The following PCGF5 variants were observed in gnomAD, a reference collection of about 807,000 sequenced individuals.
PCGF5 encodes the protein polycomb group RING finger protein 5.
In PCGF5, 9 loss-of-function variants were observed where a neutral mutation model predicts 44.3. The ratio of observed to expected loss-of-function variants is 0.20; its 90% CI spans 0.12 to 0.35. The LOEUF (loss-of-function observed/expected upper bound fraction) is 0.35. Among genes scored for constraint, PCGF5 ranks in the 10% least tolerant of loss-of-function variants. The pLI is 1.00. For missense variants in PCGF5, 146 were observed against 305.3 expected (o/e 0.48, Z 3.89); for synonymous variants, 95 against 102.5 (o/e 0.93, Z 0.44).
At chr10:91,206,228 A>G (rs1177618163) in intron 1 of PCGF5, among the ~76,000 whole-genome samples, 1 of 152,214 alleles carries the variant, frequency 6.6e-6, no homozygotes, top group Non-Finnish European at 1.5e-5. Flanking sequence ...GGAGCTGAAC[A>G]GCAGAACTCG....
chr10:91,184,158 C>T (rs996842013), intron 1 of PCGF5, among the ~76,000 whole-genome samples: 6 of 152,066 alleles, frequency 3.9e-5, no homozygotes, highest in Non-Finnish European at 8.8e-5. Context: ...AATATGTTTT[C>T]CAAATTGGTT....
intron 1 of PCGF5, among the ~76,000 whole-genome samples, chr10:91,168,755 C>A (rs549183430): frequency 6.6e-6 from 1 of 151,720 alleles, no homozygotes; most frequent in East Asian, 1.9e-4. Context: ...AGTGAAACCC[C>A]GTCTCTACTA....
At chr10:91,218,727 G>C (rs1426584870), upstream of PCGF5, among the ~76,000 whole-genome samples, 1 of 151,986 alleles carries the variant, frequency 6.6e-6, no homozygotes, top group Non-Finnish European at 1.5e-5. Context: ...CCACCTCCTA[G>C]GTTCAAGCGA....
rs898986479 is a variant in PCGF5 at position 91,281,248 on chromosome 10, A to G, written c.*2932A>G. 2.6e-5 allele frequency: 4 copies of G among 152,310 alleles called. No individual in the cohort carries two copies. Among genetic ancestry groups the G allele is most frequent in the Admixed American group, 6.5e-5 (1 of 15,278 alleles). 9.4% of individuals were successfully genotyped at this position (152,310 alleles called of 1,614,324 possible). A position where few individuals can be genotyped will look rare whatever the true frequency, so the allele number is the denominator to read the frequency against. ...GTAACTTGGGTAATGCCTTTTAACT[A>G]CTCTTAGAGGAGTATATTATTTCTT... On this transcript the variant is annotated 3_prime_UTR_variant, in exon 10 of 10. Coordinates refer to ENST00000336126, the MANE Select transcript of PCGF5 (RefSeq NM_032373.5).
upstream of PCGF5, among the ~76,000 whole-genome samples, chr10:91,160,560 G>C (rs1046126617): frequency 6.6e-6 from 1 of 152,098 alleles, no homozygotes; most frequent in Non-Finnish European, 1.5e-5. Context: ...ATAGGCAACT[G>C]GTCATCTCCT....
Position 91,222,763 on chromosome 10 carries a change from C to A in PCGF5, c.-109C>A. 1 of 614,492 alleles carries A rather than the reference C, an allele frequency of 1.6e-6. No homozygotes were observed. The highest frequency in any genetic ancestry group is 2.2e-5 in the South Asian group (1 of 45,486). 38.1% of individuals were successfully genotyped at this position (614,492 alleles called of 1,614,324 possible). A position where few individuals can be genotyped will look rare whatever the true frequency, so the allele number is the denominator to read the frequency against. ...ATAAATCTGGATGCTAGTTCTCATGCCTCAGGACATCCTACTGGGAACGAC... is the reference window on the plus strand; with the variant it reads ...ATAAATCTGGATGCTAGTTCTCATGACTCAGGACATCCTACTGGGAACGAC... On this transcript the variant is annotated 5_prime_UTR_variant, in exon 2 of 10. Transcript: ENST00000336126.
intron 1 of PCGF5, among the ~76,000 whole-genome samples, chr10:91,198,270 C>T (rs1035354250): frequency 6.6e-6 from 1 of 152,204 alleles, no homozygotes; most frequent in Non-Finnish European, 1.5e-5. Context: ...GTCCCATCTG[C>T]TCATTCTCAA....
Position 91,245,856 on chromosome 10 carries a change from G to C in PCGF5, c.210-2649G>C, listed in dbSNP as rs139168482. Among the ~76,000 whole-genome samples, 594 of 152,238 alleles carry C rather than the reference G, an allele frequency of 3.9e-3. 4 individuals carry two copies. Among genetic ancestry groups the C allele is most frequent in the African/African-American group, 0.013 (558 of 41,546 alleles). ...TTTGGAGAGTTAGGGCGAGAAAAAA[G>C]CGTGTTGTCCAGGGGAGTGAGAGGA... On this transcript the variant is annotated intron_variant, in intron 3 of 9. Coordinates refer to ENST00000336126, the MANE Select transcript of PCGF5 (RefSeq NM_032373.5).
intron 2 of PCGF5, among the ~76,000 whole-genome samples, chr10:91,223,548 A>G (rs1241447746): frequency 6.6e-6 from 1 of 152,198 alleles, no homozygotes; most frequent in African/African-American, 2.4e-5. Flanking sequence ...TAGTAGTAGT[A>G]TACCTGTGGA....
intron 6 of PCGF5, among the ~76,000 whole-genome samples, chr10:91,251,977 A>C (rs1211758326): frequency 2.0e-5 from 3 of 151,936 alleles, no homozygotes; most frequent in Non-Finnish European, 4.4e-5. Flanking sequence ...TAGAATCTCC[A>C]TTTCTGGTAC....
At chr10:91,215,147 T>G (rs2133259464) in intron 1 of PCGF5, among the ~76,000 whole-genome samples, 1 of 152,336 alleles carries the variant, frequency 6.6e-6, no homozygotes, top group African/African-American at 2.4e-5. Context: ...GTTGTTCAAA[T>G]CAGGAACAAC....
At chr10:91,196,598 C>G (rs1467355916) in intron 1 of PCGF5, among the ~76,000 whole-genome samples, 1 of 152,274 alleles carries the variant, frequency 6.6e-6, no homozygotes, top group African/African-American at 2.4e-5. Flanking sequence ...ATATCCCACC[C>G]CATCCCCCAC....
At chr10:91,161,587 A>T (rs1843383903), upstream of PCGF5, among the ~76,000 whole-genome samples, 1 of 152,214 alleles carries the variant, frequency 6.6e-6, no homozygotes, top group African/African-American at 2.4e-5. Flanking sequence ...CTTAAGGAAC[A>T]TCTCTGTAGA....
rs530830765 is a variant in PCGF5 at position 91,197,266 on chromosome 10, C to T, written c.-183-25423C>T. ...TATGGGGAAATCATCTGAAGGCTCG[C>T]GAGCTGACTGTCATGTCCTGGGTCT... On this transcript the variant is annotated intron_variant, in intron 1 of 9. Transcript: ENST00000614189. Among the ~76,000 whole-genome samples the T allele has an allele frequency of 1.6e-4, 25 of 152,284 alleles. No individual in the cohort carries two copies. The South Asian group carries it at 4.8e-3, about 29-fold the overall frequency.
At chr10:91,235,301 T>C (rs1404806579) in intron 2 of PCGF5, among the ~76,000 whole-genome samples, 2 of 152,236 alleles carry the variant, frequency 1.3e-5, no homozygotes, top group East Asian at 3.8e-4. Flanking sequence ...CTTTAGATGA[T>C]GCAGTGGCCA....
chr10:91,245,884 A>G (rs1845448744), intron 3 of PCGF5, among the ~76,000 whole-genome samples: 1 of 152,214 alleles, frequency 6.6e-6, no homozygotes. Flanking sequence ...TGAGAGGATC[A>G]GTGCACTTGT....
At chr10:91,179,560 T>G (rs1164574605) in intron 1 of PCGF5, among the ~76,000 whole-genome samples, 1 of 152,192 alleles carries the variant, frequency 6.6e-6, no homozygotes, top group African/African-American at 2.4e-5. Flanking sequence ...CCATATGTTC[T>G]CATCATTTAG....
At chr10:91,180,682 G>T (rs1843801601) in intron 1 of PCGF5, among the ~76,000 whole-genome samples, 2 of 152,080 alleles carry the variant, frequency 1.3e-5, no homozygotes, top group African/African-American at 4.8e-5. Flanking sequence ...TTATTTCTGG[G>T]TTCTCTATTA....
chr10:91,189,528 T>C (rs1843993258), intron 1 of PCGF5, among the ~76,000 whole-genome samples: 1 of 152,248 alleles, frequency 6.6e-6, no homozygotes, highest in Non-Finnish European at 1.5e-5. Context: ...ATATATGACA[T>C]AAAAATTGTA....
Sources: gnomAD v4.1 joint callset for allele counts (sites outside exome capture counted in the v4.1 genomes callset) on GRCh38, gnomAD v4.1.1 for gene constraint, MANE v1.5 for transcripts, NCBI Gene and HGNC (gene_info 2026-07-23, HGNC 2026-07-21) for gene names.